EPRS1: variants seen among roughly 807,000 people sequenced by gnomAD.
The protein encoded by EPRS1 is glutamyl-prolyl-tRNA synthetase 1, also known as bifunctional glutamate/proline--tRNA ligase.
EPRS1 carries 107 observed loss-of-function variants against 188.3 expected under a neutral mutation model. The ratio of observed to expected loss-of-function variants is 0.57; its 90% CI spans 0.49 to 0.67. EPRS1 has a LOEUF of 0.67. EPRS1 is among the 30% of genes least tolerant of loss of function. EPRS1 has a pLI of 0.00. For synonymous variants in EPRS1, 596 were observed against 593.1 expected (o/e 1.00, Z -0.07); for missense variants, 1,577 against 1,802.2 (o/e 0.88, Z 2.26).
chr1:219,995,294 G>C (rs1479164853), intron 18 of EPRS1, among the ~76,000 whole-genome samples: 1 of 152,184 alleles, frequency 6.6e-6, no homozygotes, highest in Non-Finnish European at 1.5e-5. Context: ...TGGATTCATA[G>C]TTGACTGTCA....
chr1:220,037,078 C>G (rs967589347), intron 2 of EPRS1, among the ~76,000 whole-genome samples: 26 of 151,934 alleles, frequency 1.7e-4, no homozygotes, highest in African/African-American at 6.3e-4. Context: ...CCTGTAGTCC[C>G]AGCTACTCAG....
At chr1:219,996,839 G>C (rs1026285339) in intron 18 of EPRS1, 144 bp downstream of exon 18, 3 of 911,120 alleles carry the variant, frequency 3.3e-6, no homozygotes, top group African/African-American at 3.3e-5. Context: ...TATTTTCAGA[G>C]CTTGGCACAT....
chr1:220,014,439 A>T (rs948140130), intron 12 of EPRS1, among the ~76,000 whole-genome samples: 27 of 152,134 alleles, frequency 1.8e-4, no homozygotes, highest in African/African-American at 6.5e-4. Flanking sequence ...ACCTTGACAA[A>T]AGACTGGAAG....
At chr1:220,031,373 AAAGG>A (rs1662080437) in intron 5 of EPRS1, among the ~76,000 whole-genome samples, 1 of 152,222 alleles carries the variant, frequency 6.6e-6, no homozygotes, top group African/African-American at 2.4e-5. Context: ...AGATGAGACA[AAAGG>A]AAGTTTAGTT....
chr1:220,030,676 T>C (rs1228110501), intron 5 of EPRS1, among the ~76,000 whole-genome samples, 196 bp from the exon 6 acceptor site: 1 of 152,188 alleles, frequency 6.6e-6, no homozygotes, highest in Non-Finnish European at 1.5e-5. Context: ...TACAGATATG[T>C]TCAGGGTGCT....
chr1:220,032,471 T>C lies in EPRS1; in HGVS notation c.444A>G (p.Lys148=), dbSNP rs1489622461. Residue 148 remains lysine (K), a synonymous_variant, in exon 5 of 32, where the codon AAA becomes AAG. Transcript: ENST00000366923. ...GGGCTTCAAGAAAGCCAAACCAACG[T>C]TTTACATGAACTGGAGCTTTCTTCT... ...LKQKKAPVHV[K]RWFGFLEAQQ... The C allele has an allele frequency of 1.2e-6, 2 of 1,613,624 alleles. No homozygotes were observed. The highest frequency in any genetic ancestry group is 2.7e-5 in the African/African-American group (2 of 74,844).
intron 17 of EPRS1, among the ~76,000 whole-genome samples, chr1:219,999,123 T>A (rs1336551287): frequency 2.0e-5 from 3 of 152,054 alleles, no homozygotes; most frequent in Non-Finnish European, 4.4e-5. Context: ...TTAAAAAACA[T>A]TTTTTACCAT....
At chr1:220,021,633 A>G (rs779900914) in intron 9 of EPRS1, among the ~76,000 whole-genome samples, 4 of 152,256 alleles carry the variant, frequency 2.6e-5, no homozygotes, top group Non-Finnish European at 5.9e-5. Context: ...TAGTAAAACA[A>G]GGAGTAATCC....
chr1:219,985,062 A>G lies in EPRS1; in HGVS notation c.3039-805T>C, dbSNP rs189539765. ...TCCGTCTCAAAAGAAAAAAAAAAAA[A>G]AAAGAAAGAAACAAAAACAGCAGAG... is the stretch of plus-strand genomic sequence containing the variant. On this transcript the variant is annotated intron_variant, in intron 20 of 31. Transcript: ENST00000366923. Among the ~76,000 whole-genome samples the G allele has an allele frequency of 6.3e-3, 950 of 151,836 alleles. 13 individuals carry two copies. Among genetic ancestry groups the G allele is most frequent in the African/African-American group, 0.021 (887 of 41,390 alleles).
At position 219,987,351 on chromosome 1, in the gene EPRS1, C is replaced by T. The variant is rs1386699554; in HGVS notation, c.2829G>A (p.Lys943=). Residue 943 remains lysine (K), a synonymous_variant, in exon 20 of 32, where the codon AAG becomes AAA. Coordinates refer to ENST00000366923, the MANE Select transcript of EPRS1 (RefSeq NM_004446.3). ...GCTTATACTCTACTCCTATCAAAGA[C>T]TTGTACTGTGCCTTTAGCTGAAGGA... ...QELLQLKAQY[K]SLIGVEYKPV... 18 of 1,613,520 alleles carry T rather than the reference C, an allele frequency of 1.1e-5. No individual in the cohort carries two copies. The highest frequency in any genetic ancestry group is 1.4e-5 in the Non-Finnish European group (16 of 1,179,774).
At chr1:220,030,831 C>T (rs1223696911) in intron 5 of EPRS1, among the ~76,000 whole-genome samples, 1 of 152,068 alleles carries the variant, frequency 6.6e-6, no homozygotes, top group Non-Finnish European at 1.5e-5. Flanking sequence ...GTGGTTCATG[C>T]CTGTAATCCC....
chr1:220,011,029 C>T lies in EPRS1; in HGVS notation c.1522G>A (p.Val508Ile), dbSNP rs1296652946. 6.2e-7 allele frequency: 1 copy of T among 1,612,506 alleles called. No homozygotes were observed. Among genetic ancestry groups the T allele is most frequent in the African/African-American group, 1.3e-5 (1 of 74,890 alleles). The change falls in exon 13 of 32, where the codon GTT (valine) becomes ATT (isoleucine). Residue 508 changes from valine (V) to isoleucine (I), a missense_variant. Val to Ile is a conservative substitution (Grantham distance 29). Coordinates refer to ENST00000366923, the MANE Select transcript of EPRS1 (RefSeq NM_004446.3). ...ATCACTTCTTTCTTCAGTAATGCAA[C>T]ATATCGTGGAGCCACTGGGTCAATA... is the stretch of plus-strand genomic sequence containing the variant. ...KVIDPVAPRYVALLKKEVIPV... is the reference protein window; with the variant it reads ...KVIDPVAPRYIALLKKEVIPV...
chr1:220,011,204 T>A (rs1661599211), intron 12 of EPRS1, 148 bp from the exon 13 acceptor site: 1 of 519,254 alleles, frequency 1.9e-6, no homozygotes, highest in Non-Finnish European at 3.4e-6. Context: ...TTCTGATATT[T>A]ACCATTAAGC....
chr1:219,994,230 C>G (rs1263034372), intron 18 of EPRS1, among the ~76,000 whole-genome samples: 1 of 152,100 alleles, frequency 6.6e-6, no homozygotes, highest in Non-Finnish European at 1.5e-5. Flanking sequence ...CAAAGCTGCA[C>G]ACATTAGGTG....
At chr1:220,002,200 C>T (rs961699609) in intron 16 of EPRS1, among the ~76,000 whole-genome samples, 37 of 151,878 alleles carry the variant, frequency 2.4e-4, no homozygotes, top group African/African-American at 8.4e-4. Flanking sequence ...GGTATGGTGG[C>T]GGGCGCCTGT....
Position 220,035,307 on chromosome 1 carries a change from C to T in EPRS1, c.132-294G>A, listed in dbSNP as rs1010817141. Among the ~76,000 whole-genome samples the T allele has an allele frequency of 3.9e-5, 6 of 151,990 alleles. No homozygotes were observed. The East Asian group carries it at 7.8e-4, about 20-fold the overall frequency. ...CTGTGATTATAGGTGGCTGCCACCA[C>T]GACAGGCTAATTTTTTGTATTTTTA... is the stretch of plus-strand genomic sequence containing the variant. On this transcript the variant is annotated intron_variant, in intron 2 of 31. Coordinates refer to ENST00000366923, the MANE Select transcript of EPRS1 (RefSeq NM_004446.3).
At chr1:219,987,693 T>C (rs1172518513) in intron 19 of EPRS1, among the ~76,000 whole-genome samples, 4 of 152,140 alleles carry the variant, frequency 2.6e-5, no homozygotes, top group African/African-American at 9.7e-5. Context: ...GGGTAGGTGT[T>C]ACACCAACTA....
chr1:219,996,589 TAA>T (rs984559886), intron 18 of EPRS1, among the ~76,000 whole-genome samples: 8 of 152,242 alleles, frequency 5.3e-5, no homozygotes, highest in African/African-American at 1.9e-4. Flanking sequence ...GTTCCACACT[TAA>T]AGAGTGCCTT....
In EPRS1 at chr1:220,046,299, C is replaced by G. The variant is rs138052999; in HGVS notation, c.46+44G>C. 406 of 1,613,240 alleles carry G rather than the reference C, an allele frequency of 2.5e-4. 1 individual carries two copies. In the African/African-American group the frequency reaches 4.4e-3, roughly 17 times the overall value. On this transcript the variant is annotated intron_variant, in intron 1 of 31. Coordinates refer to ENST00000366923, the MANE Select transcript of EPRS1 (RefSeq NM_004446.3). ...CGACCTTCCACGCCCTGCACCCTCC[C>G]TGGCTGATGCAACCCACACAGGTCA...
Sources: allele counts gnomAD v4.1 joint callset (sites outside exome capture counted in the v4.1 genomes callset), GRCh38; gene constraint gnomAD v4.1.1; transcripts MANE v1.5; gene names NCBI Gene and HGNC (gene_info 2026-07-23, HGNC 2026-07-21).